Variants in ROBO2 observed in about 807,000 individuals in gnomAD.
ROBO2 encodes the protein roundabout guidance receptor 2.
Under a neutral mutation model 160.8 loss-of-function variants are expected in ROBO2, and 53 were observed. The ratio of observed to expected loss-of-function variants is 0.33; its 90% CI spans 0.26 to 0.41. The LOEUF (loss-of-function observed/expected upper bound fraction) is 0.41. ROBO2 is among the 10% of genes least tolerant of loss of function. The pLI is 1.00. For synonymous variants in ROBO2, 664 were observed against 611.7 expected, an observed-to-expected ratio of 1.09 and a Z score of -1.26; for missense variants, 1,577 against 1,722.4, an observed-to-expected ratio of 0.92 and a Z score of 1.49.
At chr3:77,388,910 C>T (rs896629308) in intron 2 of ROBO2, among the ~76,000 whole-genome samples, 29 of 152,116 alleles carry the variant, frequency 1.9e-4, no homozygotes, top group African/African-American at 2.7e-4. Flanking sequence ...TCAGAGTTTA[C>T]GTCAGAGGGG....
chr3:76,057,220 C>T (rs1249538972), intron 2 of ROBO2, among the ~76,000 whole-genome samples: 1 of 152,102 alleles, frequency 6.6e-6, no homozygotes, highest in Admixed American at 6.6e-5. Context: ...ATATGTGCCA[C>T]CCACAGCCTG....
At chr3:77,432,184 A>G (rs9817088) in intron 2 of ROBO2, among the ~76,000 whole-genome samples, 45,868 of 151,968 alleles carry the variant, frequency 0.3, 7,252 homozygotes, top group East Asian at 0.47. Context: ...AGAGGATTAT[A>G]AAAGTCATTT....
chr3:77,211,850 G>C (rs1255607572), intron 2 of ROBO2, among the ~76,000 whole-genome samples: 3 of 152,206 alleles, frequency 2.0e-5, no homozygotes, highest in African/African-American at 7.2e-5. Flanking sequence ...CCCATTGCTT[G>C]TTTTTGTCAG....
At position 76,173,238 on chromosome 3, in the gene ROBO2, G is replaced by A. The variant is rs192192560; in HGVS notation, c.109+235636G>A. 2.0e-5 allele frequency among the ~76,000 whole-genome samples: 3 copies of A among 151,612 alleles called. No individual in the cohort carries two copies. The East Asian group carries it at 5.8e-4, about 30-fold the overall frequency. On this transcript the variant is annotated intron_variant, in intron 2 of 26. Coordinates refer to the ROBO2 transcript ENST00000487694. ...TGTGTGTGAGTATATATATGTGTGT[G>A]TATATATGTGTATATGTATATATGT...
chr3:76,561,799 G>T (rs2084200202), intron 2 of ROBO2, among the ~76,000 whole-genome samples: 1 of 152,040 alleles, frequency 6.6e-6, no homozygotes, highest in Non-Finnish European at 1.5e-5. Context: ...TCCAAGAAAG[G>T]CACTTGCTCT....
intron 2 of ROBO2, among the ~76,000 whole-genome samples, chr3:76,203,029 A>G (rs975044292): frequency 6.6e-6 from 1 of 152,164 alleles, no homozygotes; most frequent in Non-Finnish European, 1.5e-5. Flanking sequence ...TAACTTAATT[A>G]TAGAACAACC....
chr3:77,427,490 G>A (rs535028379), intron 2 of ROBO2, among the ~76,000 whole-genome samples: 3 of 152,208 alleles, frequency 2.0e-5, no homozygotes, highest in Admixed American at 6.5e-5. Flanking sequence ...ACTCCTGTTC[G>A]CACAAAGCAT....
chr3:77,380,736 C>T (rs2073344450), intron 2 of ROBO2, among the ~76,000 whole-genome samples: 1 of 143,294 alleles, frequency 7.0e-6, no homozygotes, highest in South Asian at 2.5e-4. Flanking sequence ...TTCCTTCCAT[C>T]ATCACAGGTG....
intron 2 of ROBO2, among the ~76,000 whole-genome samples, chr3:76,468,481 G>T (rs1212955197): frequency 6.6e-6 from 1 of 151,952 alleles, no homozygotes; most frequent in Non-Finnish European, 1.5e-5. Context: ...TCAACTTCTT[G>T]CCCCTCCCCT....
intron 2 of ROBO2, among the ~76,000 whole-genome samples, chr3:76,875,281 C>T (rs2072585130): frequency 6.6e-6 from 1 of 152,158 alleles, no homozygotes; most frequent in Admixed American, 6.5e-5. Flanking sequence ...TCCCAGCCCC[C>T]AGAACTGTGA....
intron 2 of ROBO2, among the ~76,000 whole-genome samples, chr3:76,043,007 G>A (rs932090913): frequency 1.1e-4 from 16 of 151,986 alleles, no homozygotes; most frequent in Non-Finnish European, 1.9e-4. Context: ...TGTCTGAGGG[G>A]TTTTGTCTGT....
intron 2 of ROBO2, among the ~76,000 whole-genome samples, chr3:76,694,181 T>C (rs1468895098): frequency 1.3e-5 from 2 of 152,250 alleles, no homozygotes; most frequent in African/African-American, 2.4e-5. Context: ...GCCTTCTTGC[T>C]ATGCTTGCAT....
At chr3:77,296,055 G>A (rs373633617) in intron 2 of ROBO2, among the ~76,000 whole-genome samples, 10 of 151,514 alleles carry the variant, frequency 6.6e-5, no homozygotes, top group East Asian at 5.9e-4. Flanking sequence ...ATGGTTAAAC[G>A]GGTAAGCTGA....
At chr3:77,072,380 G>A (rs1291000537) in intron 1 of ROBO2, among the ~76,000 whole-genome samples, 1 of 152,062 alleles carries the variant, frequency 6.6e-6, no homozygotes, top group African/African-American at 2.4e-5. Flanking sequence ...CCCTCCTCCT[G>A]CCGCCCACAC....
chr3:77,525,687 C>A lies in ROBO2; in HGVS notation c.934+2785C>A, dbSNP rs566519816. 2.0e-5 allele frequency among the ~76,000 whole-genome samples: 3 copies of A among 150,874 alleles called. No individual in the cohort carries two copies. The South Asian group carries it at 6.2e-4, about 31-fold the overall frequency. On this transcript the variant is annotated intron_variant, in intron 6 of 25. Coordinates refer to ENST00000461745, the Ensembl canonical transcript of ROBO2. ...TCTCATTGGAAAAATCATATTGTTTCTAGAGCATTAAAGCCTTAATTTTTT... is the reference window on the plus strand; with the variant it reads ...TCTCATTGGAAAAATCATATTGTTTATAGAGCATTAAAGCCTTAATTTTTT...
chr3:76,212,095 T>G (rs1298548451), intron 2 of ROBO2, among the ~76,000 whole-genome samples: 1 of 151,988 alleles, frequency 6.6e-6, no homozygotes. Context: ...AAAAAGGAAT[T>G]ATTCAATTAT....
chr3:76,504,519 C>A (rs1385576277), intron 2 of ROBO2, among the ~76,000 whole-genome samples: 2 of 73,520 alleles, frequency 2.7e-5, no homozygotes, highest in Admixed American at 2.0e-4. Context: ...AGAAAATACT[C>A]TTTTTTTTTT....
At chr3:76,193,213 C>T (rs1240599245) in intron 2 of ROBO2, among the ~76,000 whole-genome samples, 1 of 152,074 alleles carries the variant, frequency 6.6e-6, no homozygotes, top group Non-Finnish European at 1.5e-5. Flanking sequence ...TCACTCTTTC[C>T]TACTCCCATG....
chr3:76,146,382 C>T (rs1471937129), intron 2 of ROBO2, among the ~76,000 whole-genome samples: 2 of 151,658 alleles, frequency 1.3e-5, no homozygotes, highest in Non-Finnish European at 2.9e-5. Flanking sequence ...CAGCAAAGTC[C>T]CCTATATCTC....
Sources: gnomAD v4.1 joint callset for allele counts (sites outside exome capture counted in the v4.1 genomes callset) on GRCh38, gnomAD v4.1.1 for gene constraint, MANE v1.5 for transcripts, NCBI Gene and HGNC (gene_info 2026-07-23, HGNC 2026-07-21) for gene names.